The following WWOX variants were observed in gnomAD, a reference collection of about 807,000 sequenced individuals.
WWOX encodes the protein WW domain containing oxidoreductase.
WWOX carries 69 observed loss-of-function variants against 46.2 expected under a neutral mutation model. That is an observed-to-expected ratio of 1.49 (90% CI 1.23 to 1.82). The LOEUF (loss-of-function observed/expected upper bound fraction) is 1.82. Ranked by LOEUF, WWOX falls within the 40% of genes most tolerant of loss-of-function variation. The pLI, the probability that WWOX is intolerant of heterozygous loss-of-function variation, is 0.00. For synonymous variants in WWOX, 359 were observed against 202.6 expected (o/e 1.77, Z -6.56); for missense variants, 919 against 542.6 (o/e 1.69, Z -6.89).
intron 5 of WWOX, among the ~76,000 whole-genome samples, chr16:78,181,877 T>A (rs2035542117): frequency 1.3e-5 from 2 of 152,176 alleles, no homozygotes; most frequent in Admixed American, 1.3e-4. Flanking sequence ...ACTGGAGGTA[T>A]GGAAGGTCTT....
intron 8 of WWOX, among the ~76,000 whole-genome samples, chr16:78,738,037 C>T (rs1597520359): frequency 6.6e-6 from 1 of 152,220 alleles, no homozygotes; most frequent in South Asian, 2.1e-4. Flanking sequence ...CTTCTGTGGC[C>T]ATAAGCAAGT....
intron 8 of WWOX, among the ~76,000 whole-genome samples, chr16:78,795,620 G>A (rs2050716864): frequency 6.6e-6 from 1 of 152,144 alleles, no homozygotes; most frequent in African/African-American, 2.4e-5. Context: ...CCTCACTAAT[G>A]GAACACTCAT....
rs1206735275 is a variant in WWOX, at chr16:78,546,447, A to G, written c.1056+113695A>G. 2.0e-5 allele frequency among the ~76,000 whole-genome samples: 3 copies of G among 152,216 alleles called. No individual in the cohort carries two copies. The East Asian group carries it at 5.8e-4, about 29-fold the overall frequency. ...TGAGGGCAAGAGATTGTTCAAAAGA[A>G]TACTGGACCCAGAGTTTCATCACTT... On this transcript the variant is annotated intron_variant, in intron 8 of 8. Coordinates refer to ENST00000566780, the MANE Select transcript of WWOX (RefSeq NM_016373.4).
chr16:78,501,120 C>A (rs2085053330), intron 8 of WWOX, among the ~76,000 whole-genome samples: 1 of 150,834 alleles, frequency 6.6e-6, no homozygotes, highest in Admixed American at 6.6e-5. Context: ...CAGTTAATGC[C>A]CACAAATTTC....
At chr16:78,191,775 C>G (rs912859647) in intron 5 of WWOX, among the ~76,000 whole-genome samples, 7 of 152,092 alleles carry the variant, frequency 4.6e-5, no homozygotes, top group African/African-American at 1.4e-4. Context: ...GGAGGCGCTG[C>G]TGTGTGGAAA....
chr16:78,926,582 C>A (rs897751596), intron 8 of WWOX, among the ~76,000 whole-genome samples: 2 of 152,102 alleles, frequency 1.3e-5, no homozygotes, highest in African/African-American at 2.4e-5. Context: ...CACTTCTTTG[C>A]TGTTGGTCTG....
intron 8 of WWOX, chr16:78,895,825 C>T (rs2044689082): frequency 6.6e-6 from 1 of 152,202 alleles, no homozygotes. Flanking sequence ...CTCACAGTAT[C>T]CGACTATATA....
chr16:78,691,753 G>A (rs1020544748), intron 8 of WWOX, among the ~76,000 whole-genome samples: 18 of 152,106 alleles, frequency 1.2e-4, no homozygotes, highest in Non-Finnish European at 2.4e-4. Context: ...TACCCTTGCA[G>A]TATCCCTGTA....
At chr16:78,668,741 T>G (rs141352957) in intron 8 of WWOX, among the ~76,000 whole-genome samples, 75 of 152,046 alleles carry the variant, frequency 4.9e-4, no homozygotes, top group African/African-American at 1.8e-3. Flanking sequence ...CCCTGGAAGT[T>G]GAGTGATGGG....
chr16:78,363,776 A>ACC (rs1374982997), intron 5 of WWOX, among the ~76,000 whole-genome samples: 1 of 152,160 alleles, frequency 6.6e-6, no homozygotes, highest in East Asian at 1.9e-4. Flanking sequence ...ATGAGCTCAA[A>ACC]CCCCTCCAGC....
At chr16:78,606,358 G>C (rs1408899010) in intron 8 of WWOX, among the ~76,000 whole-genome samples, 1 of 151,872 alleles carries the variant, frequency 6.6e-6, no homozygotes, top group Non-Finnish European at 1.5e-5. Context: ...TATTAATGTA[G>C]AAGTACAAAG....
chr16:78,653,371 CA>C (rs1223250750), intron 8 of WWOX, among the ~76,000 whole-genome samples: 4 of 152,274 alleles, frequency 2.6e-5, no homozygotes, highest in Admixed American at 2.0e-4. Flanking sequence ...TAAAAGTAAT[CA>C]GAGCAGTAAT....
At chr16:78,446,565 TATTATA>T (rs1298808646) in intron 8 of WWOX, among the ~76,000 whole-genome samples, 1 of 152,010 alleles carries the variant, frequency 6.6e-6, no homozygotes, top group African/African-American at 2.4e-5. Context: ...TTATAATTAA[TATTATA>T]ATTGTTCATT....
intron 8 of WWOX, among the ~76,000 whole-genome samples, chr16:78,783,896 G>GC (rs1567557123): frequency 8.7e-6 from 1 of 115,186 alleles, no homozygotes; most frequent in Non-Finnish European, 1.9e-5. Context: ...GGTGATGATG[G>GC]TGATGACGAT....
intron 8 of WWOX, among the ~76,000 whole-genome samples, chr16:78,715,626 C>G (rs1363141333): frequency 1.3e-5 from 2 of 152,088 alleles, no homozygotes; most frequent in Non-Finnish European, 2.9e-5. Context: ...ATTACAGGCA[C>G]ATGCCACCAC....
chr16:78,710,497 T>TATATATATATATATATATATATATAA, intron 8 of WWOX, among the ~76,000 whole-genome samples: 1 of 137,116 alleles, frequency 7.3e-6, no homozygotes, highest in South Asian at 2.2e-4. Context: ...TATATATATA[T>TATATATATATATATATATATATATAA]ATTTATATAA....
intron 8 of WWOX, among the ~76,000 whole-genome samples, chr16:78,847,710 A>G (rs1348891563): frequency 1.3e-5 from 2 of 152,134 alleles, no homozygotes; most frequent in Admixed American, 1.3e-4. Context: ...AGATGGAAAT[A>G]ATAACAACTA....
chr16:78,981,646 T>A (rs3751835), intron 8 of WWOX: 53,987 of 151,936 alleles, frequency 0.36, 10,887 homozygotes, highest in Non-Finnish European at 0.46. Flanking sequence ...AGGCTGGTCT[T>A]GAACTGCTGA....
intron 7 of WWOX, among the ~76,000 whole-genome samples, chr16:78,426,717 G>T (rs1380095200): frequency 2.0e-5 from 3 of 152,162 alleles, no homozygotes; most frequent in Non-Finnish European, 2.9e-5. Flanking sequence ...AGGCTGCAGT[G>T]CAGTGGCATG....
Sources: allele counts gnomAD v4.1 joint callset (sites outside exome capture counted in the v4.1 genomes callset), GRCh38; gene constraint gnomAD v4.1.1; transcripts MANE v1.5; gene names NCBI Gene and HGNC (gene_info 2026-07-23, HGNC 2026-07-21).